NR3C2: variants seen among roughly 807,000 people sequenced by gnomAD.
The protein encoded by NR3C2 is nuclear receptor subfamily 3 group C member 2, also known as mineralocorticoid receptor.
In NR3C2, 15 loss-of-function variants were observed where a neutral mutation model predicts 86.4. The ratio of observed to expected loss-of-function variants is 0.17; its 90% CI spans 0.12 to 0.27. The LOEUF (loss-of-function observed/expected upper bound fraction) is 0.27. NR3C2 is among the 10% of genes least tolerant of loss of function. The pLI, the probability that NR3C2 is intolerant of heterozygous loss-of-function variation, is 1.00. For missense variants in NR3C2, 960 were observed against 1,195.6 expected (o/e 0.80, Z 2.91); for synonymous variants, 458 against 450.5 (o/e 1.02, Z -0.21).
chr4:148,436,914 T>G, intron 1 of NR3C2, 52 bp from the exon 2 acceptor site: 1 of 1,384,482 alleles, frequency 7.2e-7, no homozygotes, highest in Non-Finnish European at 9.9e-7. Context: ...GCAATATTAC[T>G]CTAAAAGACA....
At chr4:148,261,427 C>CGCTATGGTGCGCTACGGTCAGT (rs1561006273) in intron 2 of NR3C2, among the ~76,000 whole-genome samples, 72 of 151,352 alleles carry the variant, frequency 4.8e-4, no homozygotes, top group African/African-American at 1.1e-3. Flanking sequence ...CTATGGTAAG[C>CGCTATGGTGCGCTACGGTCAGT]GCTATGGTGC....
At chr4:148,362,114 T>C (rs1030310672) in intron 2 of NR3C2, among the ~76,000 whole-genome samples, 2 of 152,214 alleles carry the variant, frequency 1.3e-5, no homozygotes, top group African/African-American at 2.4e-5. Flanking sequence ...GCTGGGATTA[T>C]GGGCGTGAGC....
intron 8 of NR3C2, among the ~76,000 whole-genome samples, chr4:148,094,052 A>T (rs911883799): frequency 7.9e-5 from 12 of 152,246 alleles, no homozygotes; most frequent in African/African-American, 2.9e-4. Context: ...TCTCCAAAGA[A>T]GATACACAAA....
chr4:148,221,517 G>T (rs930309014), intron 3 of NR3C2, among the ~76,000 whole-genome samples: 4 of 152,108 alleles, frequency 2.6e-5, no homozygotes, highest in Non-Finnish European at 1.5e-5. Context: ...TATTTATCAA[G>T]ACTAGAAATG....
chr4:148,360,165 C>T (rs751573731), intron 2 of NR3C2, among the ~76,000 whole-genome samples: 27 of 152,194 alleles, frequency 1.8e-4, no homozygotes, highest in Non-Finnish European at 1.2e-4. Flanking sequence ...AAATACATTG[C>T]TCATCTGCCC....
At chr4:148,197,146 C>G (rs1736479250) in intron 3 of NR3C2, among the ~76,000 whole-genome samples, 1 of 152,146 alleles carries the variant, frequency 6.6e-6, no homozygotes, top group Admixed American at 6.5e-5. Context: ...TTTCTAAATA[C>G]TAATTTGCAA....
intron 2 of NR3C2, among the ~76,000 whole-genome samples, chr4:148,282,972 A>T (rs192938438): frequency 6.6e-6 from 1 of 152,290 alleles, no homozygotes; most frequent in East Asian, 1.9e-4. Context: ...ACACAATGAA[A>T]TCAGAGATGA....
chr4:148,432,282 G>A (rs1016329380), intron 2 of NR3C2, among the ~76,000 whole-genome samples: 2 of 152,100 alleles, frequency 1.3e-5, no homozygotes, highest in African/African-American at 4.8e-5. Flanking sequence ...TAGATATGTT[G>A]TTGGGAAAGG....
intron 2 of NR3C2, among the ~76,000 whole-genome samples, chr4:148,321,052 C>T (rs556686372): frequency 0.12 from 17,665 of 150,248 alleles, 1,077 homozygotes; most frequent in South Asian, 0.26. Flanking sequence ...GCTTTGAATG[C>T]GTCCCAGAGA....
chr4:148,271,673 G>A (rs1049775600), intron 2 of NR3C2, among the ~76,000 whole-genome samples: 2 of 151,858 alleles, frequency 1.3e-5, no homozygotes, highest in Non-Finnish European at 2.9e-5. Flanking sequence ...CTTTCCACCT[G>A]CCCGCATCCT....
chr4:148,276,117 A>G (rs1388810286), intron 2 of NR3C2, among the ~76,000 whole-genome samples: 1 of 152,170 alleles, frequency 6.6e-6, no homozygotes. Context: ...CTGACTCAGA[A>G]TCTTGGAGTC....
At chr4:148,082,440 C>T (rs1730609216) in intron 8 of NR3C2, among the ~76,000 whole-genome samples, 1 of 152,112 alleles carries the variant, frequency 6.6e-6, no homozygotes, top group Non-Finnish European at 1.5e-5. Flanking sequence ...TGGGGCGTCG[C>T]CTCACCCGGG....
intron 2 of NR3C2, among the ~76,000 whole-genome samples, chr4:148,319,649 G>A (rs944263769): frequency 4.0e-5 from 6 of 150,428 alleles, no homozygotes; most frequent in South Asian, 2.1e-4. Context: ...ATTGTGAATG[G>A]GAGTTCACTC....
At chr4:148,423,221 C>T (rs1749367901) in intron 2 of NR3C2, among the ~76,000 whole-genome samples, 1 of 92,658 alleles carries the variant, frequency 1.1e-5, no homozygotes, top group Non-Finnish European at 2.5e-5. Context: ...TATGTCATTC[C>T]TGAATTAAAA....
intron 2 of NR3C2, among the ~76,000 whole-genome samples, chr4:148,340,194 G>A (rs527279471): frequency 1.3e-5 from 2 of 152,160 alleles, no homozygotes; most frequent in East Asian, 1.9e-4. Context: ...AAAAGACTCC[G>A]AATAGTCAAA....
chr4:148,259,540 T>C (rs1450517919), intron 3 of NR3C2, among the ~76,000 whole-genome samples: 1 of 152,204 alleles, frequency 6.6e-6, no homozygotes, highest in Non-Finnish European at 1.5e-5. Flanking sequence ...TTATTCTGTA[T>C]GAAACACAAA....
intron 4 of NR3C2, among the ~76,000 whole-genome samples, chr4:148,179,756 A>G (rs1318107666): frequency 6.6e-6 from 1 of 151,870 alleles, no homozygotes; most frequent in African/African-American, 2.4e-5. Flanking sequence ...ATTCTTTTAA[A>G]TTCTATCTGC....
intron 2 of NR3C2, among the ~76,000 whole-genome samples, chr4:148,425,916 T>A (rs1749506609): frequency 6.6e-6 from 1 of 152,148 alleles, no homozygotes. Flanking sequence ...CACCAGCAAG[T>A]GCCAAAACTC....
intron 2 of NR3C2, among the ~76,000 whole-genome samples, chr4:148,286,154 T>C (rs1219908293): frequency 6.6e-6 from 1 of 152,224 alleles, no homozygotes; most frequent in Non-Finnish European, 1.5e-5. Context: ...CACAAATCAT[T>C]TTGTTATATA....
Sources: gnomAD v4.1 joint callset for allele counts (sites outside exome capture counted in the v4.1 genomes callset) on GRCh38, gnomAD v4.1.1 for gene constraint, MANE v1.5 for transcripts, NCBI Gene and HGNC (gene_info 2026-07-23, HGNC 2026-07-21) for gene names.